ZNF385B: variants seen among roughly 807,000 people sequenced by gnomAD.
The protein encoded by ZNF385B is zinc finger protein 533.
A neutral mutation model predicts 39.2 loss-of-function variants in ZNF385B; 23 were observed. The observed-to-expected ratio is 0.59, with a 90% CI of 0.42 to 0.83. ZNF385B has a LOEUF of 0.83. ZNF385B is among the 40% of genes least tolerant of loss of function. The pLI is 0.00. For synonymous variants in ZNF385B, 205 were observed against 222.6 expected (o/e 0.92, Z 0.70); for missense variants, 552 against 598.9 (o/e 0.92, Z 0.82).
Position 179,581,075 on chromosome 2 carries a change from A to T in ZNF385B, c.299-36106T>A, listed in dbSNP as rs16866806. Among the ~76,000 whole-genome samples, 325 of 152,358 alleles carry T rather than the reference A, an allele frequency of 2.1e-3. 8 individuals are homozygous for T. In the East Asian group the frequency reaches 0.024, roughly 11 times the overall value. On this transcript the variant is annotated intron_variant, in intron 3 of 9. Coordinates refer to ENST00000410066, the MANE Select transcript of ZNF385B (RefSeq NM_152520.6). ...GGAAATAATTAAACCAAACCAAGAA[A>T]AATGGAAATAGATCCTTAAAGGTGC... is the stretch of plus-strand genomic sequence containing the variant.
At chr2:179,503,794 A>G (rs1259700990) in intron 5 of ZNF385B, among the ~76,000 whole-genome samples, 1 of 151,266 alleles carries the variant, frequency 6.6e-6, no homozygotes, top group Non-Finnish European at 1.5e-5. Flanking sequence ...ATGTCCCTAC[A>G]AAGGACATGA....
At position 179,524,551 on chromosome 2, in the gene ZNF385B, C is replaced by CAAAAAAAA. The variant is rs770219234; in HGVS notation, c.442-5921_442-5914dup. On this transcript the variant is annotated intron_variant, in intron 4 of 9. Coordinates refer to ENST00000410066, the MANE Select transcript of ZNF385B (RefSeq NM_152520.6). ...TGGGTGACAGAGCGAGACTCCGTCT[C>CAAAAAAAA]AAAAAAAAAAAAAAAAAAAAAAAAA... is the stretch of plus-strand genomic sequence containing the variant. 9.2e-4 allele frequency among the ~76,000 whole-genome samples: 56 copies of CAAAAAAAA among 60,990 alleles called. 3 individuals carry two copies. The highest frequency in any genetic ancestry group is 1.9e-3 in the South Asian group (2 of 1,074). 40.0% of individuals were successfully genotyped at this position (60,990 alleles called of 152,430 possible).
intron 6 of ZNF385B, among the ~76,000 whole-genome samples, chr2:179,467,096 G>A (rs1023548462): frequency 3.3e-5 from 5 of 151,938 alleles, no homozygotes; most frequent in African/African-American, 4.8e-5. Context: ...GACTTCGTGT[G>A]TTGGCGATGG....
rs147718063 is a variant in ZNF385B, at chr2:179,547,083, A to G, written c.299-2114T>C. On this transcript the variant is annotated intron_variant, in intron 3 of 9. Transcript: ENST00000410066. The stretch of plus-strand genomic sequence containing the variant: ...CATTTTTTATTCAGGTTTTTAAAAT[A>G]GACTTGTTTGAGCTCCTTATAGAGT... Among the ~76,000 whole-genome samples the G allele has an allele frequency of 1.3e-5, 2 of 149,508 alleles. 1 individual carries two copies. Among genetic ancestry groups the G allele is most frequent in the Admixed American group, 1.3e-4 (2 of 15,054 alleles).
rs1575020260 is a variant in ZNF385B, at chr2:179,626,154, A to G, written c.299-81185T>C. On this transcript the variant is annotated intron_variant, in intron 3 of 9. Transcript: ENST00000410066. ...TGCACACCTGAAACATAAGTTTCAC[A>G]AAACAGTATCTTTTCTATGTGTGGC... Among the ~76,000 whole-genome samples the G allele has an allele frequency of 2.6e-5, 4 of 152,156 alleles. No individual in the cohort carries two copies. The South Asian group carries it at 8.3e-4, about 32-fold the overall frequency.
chr2:179,813,619 C>G (rs190309743), intron 1 of ZNF385B, among the ~76,000 whole-genome samples: 1 of 152,216 alleles, frequency 6.6e-6, no homozygotes. Context: ...AAGTGACATC[C>G]ACCCTATAGT....
At position 179,597,479 on chromosome 2, in the gene ZNF385B, A is replaced by G. The variant is rs149864531; in HGVS notation, c.299-52510T>C. On this transcript the variant is annotated intron_variant, in intron 3 of 9. Transcript: ENST00000410066. ...GATACAGGCATAACTTAATATGTCA[A>G]TGACTGCATATACAAAGTTAATCTG... Among the ~76,000 whole-genome samples the G allele has an allele frequency of 2.3e-3, 356 of 152,300 alleles. 2 individuals are homozygous for G. Among genetic ancestry groups the G allele is most frequent in the Middle Eastern group, 0.01 (3 of 294 alleles).
chr2:179,829,881 T>G (rs1324749562), intron 1 of ZNF385B, among the ~76,000 whole-genome samples: 6 of 152,232 alleles, frequency 3.9e-5, no homozygotes, highest in East Asian at 1.9e-4. Context: ...TAGAAGAAAC[T>G]TAACTGAAAT....
intron 5 of ZNF385B, among the ~76,000 whole-genome samples, chr2:179,488,501 G>T (rs1042971183): frequency 6.6e-6 from 1 of 152,040 alleles, no homozygotes; most frequent in South Asian, 2.1e-4. Context: ...TCTTGAATGA[G>T]GACATTAAAC....
At chr2:179,639,226 C>CAAAAAAAAAAAAAAAAAAA (rs59905278) in intron 3 of ZNF385B, among the ~76,000 whole-genome samples, 1 of 93,028 alleles carries the variant, frequency 1.1e-5, no homozygotes, top group African/African-American at 4.2e-5. Context: ...GATCCTGCCT[C>CAAAAAAAAAAAAAAAAAAA]AAAAAAAAAA....
At chr2:179,860,589 G>T (rs1266698767) in intron 1 of ZNF385B, among the ~76,000 whole-genome samples, 1 of 151,972 alleles carries the variant, frequency 6.6e-6, no homozygotes, top group Non-Finnish European at 1.5e-5. Context: ...CTGCTCCTCT[G>T]CCCCCATCTC....
chr2:179,563,253 G>A (rs904045011), intron 3 of ZNF385B, among the ~76,000 whole-genome samples: 2 of 152,166 alleles, frequency 1.3e-5, no homozygotes, highest in African/African-American at 4.8e-5. Context: ...ATCTGACCAT[G>A]TTGTCAGAAT....
In ZNF385B at chr2:179,837,606, G is replaced by A. The variant is rs141341712; in HGVS notation, c.-155+23495C>T. Reference sequence around the variant, plus strand: ...AGCCTGAAGAGACAGCTGACTCACCGTGGTTTTCCCTCCTCCAAATATACT... The same window carrying A: ...AGCCTGAAGAGACAGCTGACTCACCATGGTTTTCCCTCCTCCAAATATACT... On this transcript the variant is annotated intron_variant, in intron 1 of 9. Coordinates refer to ENST00000410066, the MANE Select transcript of ZNF385B (RefSeq NM_152520.6). 2.8e-3 allele frequency among the ~76,000 whole-genome samples: 431 copies of A among 152,338 alleles called. 4 individuals are homozygous for A. Among genetic ancestry groups the A allele is most frequent in the African/African-American group, 9.9e-3 (413 of 41,580 alleles).
intron 3 of ZNF385B, among the ~76,000 whole-genome samples, chr2:179,679,489 C>T (rs937062242): frequency 2.0e-5 from 3 of 152,084 alleles, no homozygotes; most frequent in Non-Finnish European, 2.9e-5. Flanking sequence ...CTAAACTGAC[C>T]CTGGCTTACA....
chr2:179,836,422 A>G (rs975553333), intron 1 of ZNF385B, among the ~76,000 whole-genome samples: 1 of 152,176 alleles, frequency 6.6e-6, no homozygotes, highest in Non-Finnish European at 1.5e-5. Context: ...TAAAATAAAA[A>G]TGTAAAATAA....
At chr2:179,570,597 A>G (rs1430898560) in intron 3 of ZNF385B, among the ~76,000 whole-genome samples, 1 of 152,210 alleles carries the variant, frequency 6.6e-6, no homozygotes, top group African/African-American at 2.4e-5. Context: ...TTCGCATTCA[A>G]TAAATGTTAG....
At chr2:179,658,838 C>T (rs530827266) in intron 3 of ZNF385B, among the ~76,000 whole-genome samples, 167 of 152,182 alleles carry the variant, frequency 1.1e-3, no homozygotes, top group Admixed American at 4.5e-3. Context: ...AGTGCAGTGG[C>T]GCAATCTCAG....
chr2:179,515,428 T>C (rs1170182639), intron 5 of ZNF385B, among the ~76,000 whole-genome samples: 2 of 152,238 alleles, frequency 1.3e-5, no homozygotes, highest in African/African-American at 4.8e-5. Context: ...GCACTGAGAA[T>C]GCCAGTGTTA....
intron 5 of ZNF385B, among the ~76,000 whole-genome samples, chr2:179,503,474 A>G (rs1293899253): frequency 3.3e-5 from 5 of 152,242 alleles, no homozygotes; most frequent in African/African-American, 1.2e-4. Context: ...CTAGAAAGCT[A>G]GCTTACAAAG....
Sources: allele counts gnomAD v4.1 joint callset (sites outside exome capture counted in the v4.1 genomes callset), GRCh38; gene constraint gnomAD v4.1.1; transcripts MANE v1.5; gene names NCBI Gene and HGNC (gene_info 2026-07-23, HGNC 2026-07-21).